Variants in ZNF469 observed in about 807,000 individuals in gnomAD.
ZNF469 encodes the protein zinc finger protein 469.
ZNF469 carries 1 observed loss-of-function variant against 1.0 expected under a neutral mutation model. The ratio of observed to expected loss-of-function variants is 1.00; its 90% CI spans 0.35 to 4.73. ZNF469 has a LOEUF of 4.73. Ranked by LOEUF, ZNF469 falls within the 30% of genes most tolerant of loss-of-function variation. The pLI, the probability that ZNF469 is intolerant of heterozygous loss-of-function variation, is 0.16. For missense variants in ZNF469, 6,100 were observed against 5,356.3 expected (o/e 1.14, Z -4.33); for synonymous variants, 2,703 against 2,363.4 (o/e 1.14, Z -4.17).
At chr16:88,297,765 A>T in the ZNF469 span, among the ~76,000 whole-genome samples, 2 of 152,186 alleles carry the variant, frequency 1.3e-5, no homozygotes, top group Non-Finnish European at 2.9e-5. Flanking sequence ...GTCCAGGATC[A>T]TCTCGTCTCC....
At chr16:88,180,002 A>G in the ZNF469 span, among the ~76,000 whole-genome samples, 1 of 152,248 alleles carries the variant, frequency 6.6e-6, no homozygotes, top group Non-Finnish European at 1.5e-5. Context: ...GAACAGCTAC[A>G]CTAAGAGGTA....
the ZNF469 span, among the ~76,000 whole-genome samples, chr16:88,134,850 G>T: frequency 1.3e-5 from 2 of 152,216 alleles, no homozygotes; most frequent in Non-Finnish European, 2.9e-5. Context: ...AAACGGATTT[G>T]TCTTTTCCTC....
chr16:88,214,971 C>T, the ZNF469 span, among the ~76,000 whole-genome samples: 20 of 152,236 alleles, frequency 1.3e-4, no homozygotes, highest in East Asian at 2.7e-3. Flanking sequence ...GAAAATGTCC[C>T]TCTTTGTCTC....
chr16:88,415,786 G>A (rs1350751862), intron 1 of ZNF469, among the ~76,000 whole-genome samples: 1 of 152,208 alleles, frequency 6.6e-6, no homozygotes, highest in African/African-American at 2.4e-5. Context: ...GGGACCGACG[G>A]CTTCTTCCAG....
chr16:88,312,471 C>T, the ZNF469 span, among the ~76,000 whole-genome samples: 179 of 152,256 alleles, frequency 1.2e-3, no homozygotes, highest in African/African-American at 4.0e-3. Context: ...CAAATTTCTC[C>T]CCAATTCTTC....
the ZNF469 span, among the ~76,000 whole-genome samples, chr16:88,106,075 A>G: frequency 6.6e-6 from 1 of 152,226 alleles, no homozygotes; most frequent in Non-Finnish European, 1.5e-5. Context: ...TTTAAAAACC[A>G]GACCCCATTG....
chr16:88,165,771 C>T, the ZNF469 span, among the ~76,000 whole-genome samples: 1 of 152,162 alleles, frequency 6.6e-6, no homozygotes, highest in East Asian at 1.9e-4. Context: ...CACTACACCC[C>T]GACTCCCCGC....
At chr16:88,419,992 G>A (rs1240167898) in intron 1 of ZNF469, among the ~76,000 whole-genome samples, 7 of 152,240 alleles carry the variant, frequency 4.6e-5, no homozygotes, top group Non-Finnish European at 1.0e-4. Context: ...CTGCAGGTGG[G>A]GGCCAGATCC....
chr16:88,336,534 G>C, the ZNF469 span, among the ~76,000 whole-genome samples: 7 of 148,726 alleles, frequency 4.7e-5, no homozygotes, highest in African/African-American at 1.8e-4. Flanking sequence ...TCCTTCACGT[G>C]AGACACTGAT....
chr16:88,350,046 A>G, the ZNF469 span, among the ~76,000 whole-genome samples: 11 of 152,050 alleles, frequency 7.2e-5, no homozygotes, highest in Non-Finnish European at 1.3e-4. Context: ...TCACACACAG[A>G]CACCCCCAGC....
the ZNF469 span, among the ~76,000 whole-genome samples, chr16:88,330,926 T>G: frequency 6.6e-6 from 1 of 152,216 alleles, no homozygotes; most frequent in Non-Finnish European, 1.5e-5. Flanking sequence ...ATGCAGCAAG[T>G]GCTCACTAAA....
the ZNF469 span, among the ~76,000 whole-genome samples, chr16:88,363,740 C>T: frequency 2.0e-5 from 3 of 152,194 alleles, no homozygotes; most frequent in Non-Finnish European, 4.4e-5. Flanking sequence ...CTGTAAAACC[C>T]AGAAAACACC....
chr16:88,220,538 C>G, the ZNF469 span, among the ~76,000 whole-genome samples: 9 of 152,168 alleles, frequency 5.9e-5, no homozygotes, highest in Non-Finnish European at 1.0e-4. Context: ...ACCGGGTGCT[C>G]TCATCCAACA....
the ZNF469 span, among the ~76,000 whole-genome samples, chr16:88,174,886 T>A: frequency 3.9e-5 from 6 of 152,134 alleles, no homozygotes; most frequent in Non-Finnish European, 8.8e-5. Flanking sequence ...ATTTGCAGAT[T>A]TCCAATTGTG....
At chr16:88,146,048 G>A in the ZNF469 span, among the ~76,000 whole-genome samples, 4 of 152,350 alleles carry the variant, frequency 2.6e-5, no homozygotes, top group South Asian at 8.3e-4. Flanking sequence ...ATCCAACACC[G>A]CCTCCCTCCA....
chr16:88,193,986 G>T, the ZNF469 span, among the ~76,000 whole-genome samples: 4 of 152,322 alleles, frequency 2.6e-5, no homozygotes, highest in South Asian at 8.3e-4. Flanking sequence ...TCACTTTGAG[G>T]TTAAGGATTT....
the ZNF469 span, among the ~76,000 whole-genome samples, chr16:88,232,133 G>A: frequency 2.6e-5 from 4 of 152,196 alleles, no homozygotes; most frequent in Admixed American, 6.5e-5. Context: ...CACTGCCAAC[G>A]TTGACGGCAA....
chr16:88,438,710 G>A lies in ZNF469; in HGVS notation c.11240G>A (p.Gly3747Asp). ...SPRPGTKTGG[G>D]SQPQPASGQL... Reference sequence around the variant, plus strand: ...CGCCCCGGCACCAAGACAGGAGGTGGCAGCCAGCCCCAGCCAGCCAGCGGG... The same window carrying A: ...CGCCCCGGCACCAAGACAGGAGGTGACAGCCAGCCCCAGCCAGCCAGCGGG... Residue 3747 changes from glycine to aspartate, a missense_variant, in exon 3 of 3, where the codon GGC (glycine) becomes GAC (aspartate). Coordinates refer to ENST00000565624, the MANE Select transcript of ZNF469 (RefSeq NM_001367624.2). The A allele has an allele frequency of 6.5e-7, 1 of 1,549,952 alleles. No individual in the cohort carries two copies. The highest frequency in any genetic ancestry group is 8.7e-7 in the Non-Finnish European group (1 of 1,146,826).
chr16:88,353,509 T>C, the ZNF469 span, among the ~76,000 whole-genome samples: 1 of 152,200 alleles, frequency 6.6e-6, no homozygotes, highest in Admixed American at 6.5e-5. Context: ...CCAGGGCCTT[T>C]GCGCACAACG....
Sources: gnomAD v4.1 joint callset for allele counts (sites outside exome capture counted in the v4.1 genomes callset) on GRCh38, gnomAD v4.1.1 for gene constraint, MANE v1.5 for transcripts, NCBI Gene and HGNC (gene_info 2026-07-23, HGNC 2026-07-21) for gene names.